PPP1R9A: variants seen among roughly 807,000 people sequenced by gnomAD.
PPP1R9A encodes neurabin-1.
Under a neutral mutation model 141.9 loss-of-function variants are expected in PPP1R9A, and 59 were observed. That is an observed-to-expected ratio of 0.42 (90% CI 0.34 to 0.52). The LOEUF (loss-of-function observed/expected upper bound fraction) is 0.52. Ranked by LOEUF, PPP1R9A falls within the 20% of genes least tolerant of loss-of-function variation. PPP1R9A has a pLI of 0.10. For synonymous variants in PPP1R9A, 500 were observed against 569.7 expected, an observed-to-expected ratio of 0.88 and a Z score of 1.74; for missense variants, 1,444 against 1,611.9, an observed-to-expected ratio of 0.90 and a Z score of 1.78.
intron 2 of PPP1R9A, among the ~76,000 whole-genome samples, chr7:95,007,843 G>A (rs1268754179): frequency 2.6e-5 from 4 of 152,010 alleles, no homozygotes; most frequent in Admixed American, 1.3e-4. Flanking sequence ...AGGCCGAGGC[G>A]GGCGGATCAC....
Position 95,269,412 on chromosome 7 carries a change from A to G in PPP1R9A, c.3029A>G (p.Asp1010Gly). ...GGGCCTCTCTCCTCTATGTGGGGAG[A>G]CACTTCACTGTTTTCTACTTCAAAG... ...EMGPLSSMWG[D>G]TSLFSTSKSD... Residue 1010 changes from aspartate (D) to glycine (G), a missense_variant, in exon 14 of 20, where the codon GAC becomes GGC. By Grantham distance (94) the Asp-to-Gly change is moderately conservative (BLOSUM62 -1). Around this residue, in one of 5 missense-constraint regions of PPP1R9A, gnomAD observed 459 missense variants for 513.8 expected, o/e 0.89. Transcript: ENST00000433360. 2.5e-6 allele frequency: 4 copies of G among 1,596,166 alleles called. No individual in the cohort carries two copies. Among genetic ancestry groups the G allele is most frequent in the Non-Finnish European group, 3.4e-6 (4 of 1,177,098 alleles).
In PPP1R9A at chr7:95,269,521, C is replaced by A. The variant is rs772641804; in HGVS notation, c.3124+14C>A. The A allele has an allele frequency of 6.5e-7, 1 of 1,533,966 alleles. No homozygotes were observed. Among genetic ancestry groups the A allele is most frequent in the Admixed American group, 1.7e-5 (1 of 57,680 alleles). ...TACGAGAAAAAGGTATTGTTAATTT[C>A]TTTTTCTGACTTCATAACACCTCAG... On this transcript the variant is annotated intron_variant, in intron 14 of 19. Coordinates refer to ENST00000433360, the MANE Select transcript of PPP1R9A (RefSeq NM_001166160.2).
chr7:95,161,812 A>T, intron 4 of PPP1R9A, 55 bp from the exon 5 acceptor site: 1 of 1,147,156 alleles, frequency 8.7e-7, no homozygotes, highest in Non-Finnish European at 1.3e-6. Flanking sequence ...AATGATTATT[A>T]CATAAATTAA....
At chr7:95,197,208 C>T (rs1046148596) in intron 5 of PPP1R9A, among the ~76,000 whole-genome samples, 1 of 151,968 alleles carries the variant, frequency 6.6e-6, no homozygotes, top group Admixed American at 6.6e-5. Flanking sequence ...AAGATTTAAA[C>T]AAAGATTCAT....
chr7:95,215,223 T>TG (rs1793081701), intron 7 of PPP1R9A, among the ~76,000 whole-genome samples: 1 of 150,730 alleles, frequency 6.6e-6, no homozygotes, highest in African/African-American at 2.4e-5. Flanking sequence ...ATGCGGTGTT[T>TG]GTTTTTTTTG....
At chr7:95,060,147 C>G (rs371881563) in intron 2 of PPP1R9A, among the ~76,000 whole-genome samples, 6 of 152,286 alleles carry the variant, frequency 3.9e-5, no homozygotes, top group African/African-American at 1.2e-4. Context: ...ACCATAGTGC[C>G]TTCACTCTAA....
chr7:95,078,892 AT>A (rs1485925166), intron 2 of PPP1R9A, among the ~76,000 whole-genome samples: 1 of 151,996 alleles, frequency 6.6e-6, no homozygotes, highest in Non-Finnish European at 1.5e-5. Flanking sequence ...CCTTTGTCAG[AT>A]GAGTAGGTTT....
At chr7:95,059,448 C>T (rs978818506) in intron 2 of PPP1R9A, among the ~76,000 whole-genome samples, 1 of 152,128 alleles carries the variant, frequency 6.6e-6, no homozygotes, top group African/African-American at 2.4e-5. Flanking sequence ...GCTAACCATA[C>T]AAGAGAATAA....
intron 2 of PPP1R9A, among the ~76,000 whole-genome samples, chr7:94,940,868 A>T (rs1795266495): frequency 1.3e-5 from 2 of 152,080 alleles, no homozygotes; most frequent in Non-Finnish European, 2.9e-5. Flanking sequence ...GGACACTGGA[A>T]GTCTTAGGGA....
chr7:95,247,658 TG>T, intron 9 of PPP1R9A, 132 bp downstream of exon 9: 1 of 716,430 alleles, frequency 1.4e-6, no homozygotes, highest in Non-Finnish European at 2.2e-6. Flanking sequence ...TCATTTTCAC[TG>T]TCAGGTACGT....
chr7:95,027,998 A>G (rs973504745), intron 2 of PPP1R9A, among the ~76,000 whole-genome samples: 3 of 152,104 alleles, frequency 2.0e-5, no homozygotes, highest in Non-Finnish European at 2.9e-5. Flanking sequence ...TTTTAGGTCC[A>G]TTGAGTGACA....
intron 2 of PPP1R9A, among the ~76,000 whole-genome samples, chr7:94,953,877 T>G (rs1342979784): frequency 6.6e-6 from 1 of 152,160 alleles, no homozygotes; most frequent in Non-Finnish European, 1.5e-5. Flanking sequence ...GATGGGGTTT[T>G]CTAAATATAT....
intron 16 of PPP1R9A, among the ~76,000 whole-genome samples, chr7:95,282,029 C>T (rs1407510792): frequency 6.6e-6 from 1 of 152,070 alleles, no homozygotes; most frequent in East Asian, 1.9e-4. Flanking sequence ...GGCATTTTTA[C>T]TAGAATGTGG....
chr7:95,197,614 A>G (rs1373045801), intron 5 of PPP1R9A, among the ~76,000 whole-genome samples: 1 of 152,154 alleles, frequency 6.6e-6, no homozygotes, highest in Non-Finnish European at 1.5e-5. Context: ...TTATATATTT[A>G]GCCACCTGAG....
chr7:95,078,891 G>T (rs1248101175), intron 2 of PPP1R9A, among the ~76,000 whole-genome samples: 1 of 152,084 alleles, frequency 6.6e-6, no homozygotes, highest in African/African-American at 2.4e-5. Context: ...CCCTTTGTCA[G>T]ATGAGTAGGT....
intron 6 of PPP1R9A, among the ~76,000 whole-genome samples, chr7:95,201,626 A>G (rs149085454): frequency 1.4e-3 from 219 of 152,342 alleles, no homozygotes; most frequent in African/African-American, 5.2e-3. Context: ...AAAATGTCCA[A>G]GAGGCATAAA....
intron 2 of PPP1R9A, among the ~76,000 whole-genome samples, chr7:94,993,483 TGG>T (rs1302149626): frequency 1.3e-5 from 2 of 152,194 alleles, no homozygotes; most frequent in African/African-American, 4.8e-5. Context: ...TGAATCAATT[TGG>T]GGAGAATTGG....
chr7:95,027,696 A>G (rs1409450070), intron 2 of PPP1R9A, among the ~76,000 whole-genome samples: 1 of 152,218 alleles, frequency 6.6e-6, no homozygotes, highest in African/African-American at 2.4e-5. Context: ...CCTAGGCTAT[A>G]TGGTTTAGTC....
chr7:95,293,841 G>A lies in PPP1R9A; in HGVS notation c.*3538G>A, dbSNP rs1471557326. 2.0e-5 allele frequency: 3 copies of A among 152,178 alleles called. No homozygotes were observed. Among genetic ancestry groups the A allele is most frequent in the African/African-American group, 7.2e-5 (3 of 41,446 alleles). The allele number at this position is 152,178 out of a possible 1,614,324, so 9.4% of individuals were successfully genotyped here. A position where few individuals can be genotyped will look rare whatever the true frequency, so the allele number is the denominator to read the frequency against. ...GGAAATGAAAATTTGCATTTATATA[G>A]ATACTCTGATTCATGTTTAAGTGTT... is the stretch of plus-strand genomic sequence containing the variant. On this transcript the variant is annotated 3_prime_UTR_variant, in exon 20 of 20. Coordinates refer to ENST00000433360, the MANE Select transcript of PPP1R9A (RefSeq NM_001166160.2).
Sources: gnomAD v4.1 joint callset for allele counts (sites outside exome capture counted in the v4.1 genomes callset) on GRCh38, gnomAD v4.1.1 for gene constraint, gnomAD v4.1.1 regional missense constraint, MANE v1.5 for transcripts, NCBI Gene and HGNC (gene_info 2026-07-23, HGNC 2026-07-21) for gene names.